The following CEP128 variants were observed in gnomAD, a reference collection of about 807,000 sequenced individuals.
CEP128 encodes the protein centrosomal protein 128.
A neutral mutation model predicts 156.7 loss-of-function variants in CEP128; 132 were observed. The observed-to-expected ratio is 0.84, with a 90% confidence interval of 0.73 to 0.97. CEP128 has a LOEUF of 0.97. CEP128 is among the 50% of genes least tolerant of loss of function. The probability of loss-of-function intolerance (pLI) is 0.00; values close to 1 mark genes in which losing one functional copy is unlikely to be tolerated. For synonymous variants in CEP128, 469 were observed against 448.9 expected (o/e 1.04, Z -0.57); for missense variants, 1,252 against 1,281.9 (o/e 0.98, Z 0.36).
Position 80,836,292 on chromosome 14 carries a change from T to C in CEP128, c.970A>G (p.Lys324Glu), listed in dbSNP as rs1173384664. Residue 324 changes from lysine (K) to glutamate (E), a missense_variant, in exon 12 of 25, where the codon AAG becomes GAG. Physicochemically the swap from Lys to Glu is moderately conservative, Grantham distance 56. Coordinates refer to ENST00000555265, the MANE Select transcript of CEP128 (RefSeq NM_152446.5). ...TQLTKAEGDR[K>E]GLQHQVSQIS... ...TGAGATACTTGATGCTGTAAACCCT[T>C]TCGATCACCTTCTGCTTTCGTAAGT... The C allele has an allele frequency of 9.3e-6, 15 of 1,613,974 alleles. No homozygotes were observed.
At chr14:80,488,031 C>A (rs1395581479), downstream of CEP128, among the ~76,000 whole-genome samples, 1 of 149,158 alleles carries the variant, frequency 6.7e-6, no homozygotes, top group African/African-American at 2.5e-5. Flanking sequence ...AAAATCAGAG[C>A]AGAACTGAAG....
intron 19 of CEP128, among the ~76,000 whole-genome samples, chr14:80,605,775 C>T (rs961941125): frequency 8.6e-5 from 13 of 151,950 alleles, no homozygotes; most frequent in African/African-American, 2.9e-4. Flanking sequence ...AAAGGGCAGT[C>T]AAGCATACTA....
intron 19 of CEP128, among the ~76,000 whole-genome samples, chr14:80,618,863 T>C (rs1349426557): frequency 1.3e-5 from 2 of 152,228 alleles, no homozygotes; most frequent in Non-Finnish European, 2.9e-5. Flanking sequence ...TGCGTATTTG[T>C]ATCTCTAGTA....
chr14:80,593,546 CA>C (rs780221928), intron 19 of CEP128, among the ~76,000 whole-genome samples: 365 of 77,842 alleles, frequency 4.7e-3, no homozygotes, highest in South Asian at 0.016. Flanking sequence ...GACTCCATCT[CA>C]AAAAAAAAAA....
intron 19 of CEP128, among the ~76,000 whole-genome samples, chr14:80,674,074 T>TG (rs535349918): frequency 1.2e-3 from 178 of 145,034 alleles, no homozygotes; most frequent in African/African-American, 4.7e-3. Context: ...AATTCATAGT[T>TG]TTTTTTTTTC....
chr14:80,866,239 C>T (rs1295233667), intron 8 of CEP128, among the ~76,000 whole-genome samples: 1 of 152,112 alleles, frequency 6.6e-6, no homozygotes, highest in Admixed American at 6.6e-5. Flanking sequence ...CCCCAACAGA[C>T]TTAGGCTCTA....
chr14:80,889,200 C>G (rs568096208), intron 8 of CEP128, among the ~76,000 whole-genome samples: 2 of 152,326 alleles, frequency 1.3e-5, no homozygotes, highest in Admixed American at 1.3e-4. Flanking sequence ...AATGGCAATA[C>G]TGCCCAAAGT....
At chr14:80,804,674 G>A (rs1884071592) in intron 13 of CEP128, among the ~76,000 whole-genome samples, 1 of 151,930 alleles carries the variant, frequency 6.6e-6, no homozygotes, top group Admixed American at 6.6e-5. Flanking sequence ...TATATAAATT[G>A]TATTCCTATT....
chr14:80,622,987 C>T (rs1893551673), intron 19 of CEP128, among the ~76,000 whole-genome samples: 1 of 152,120 alleles, frequency 6.6e-6, no homozygotes, highest in Non-Finnish European at 1.5e-5. Context: ...ATAAATCATG[C>T]TGCTATAAAG....
downstream of CEP128, among the ~76,000 whole-genome samples, chr14:80,491,658 C>T (rs1887329208): frequency 1.3e-5 from 2 of 152,130 alleles, no homozygotes; most frequent in African/African-American, 4.8e-5. Flanking sequence ...GCACAGGGCA[C>T]CCCGGCTGAA....
chr14:80,788,939 A>T (rs1476275889), intron 14 of CEP128, among the ~76,000 whole-genome samples: 1 of 152,182 alleles, frequency 6.6e-6, no homozygotes, highest in Non-Finnish European at 1.5e-5. Context: ...CTTTGGCTCC[A>T]GCTCTCTGCA....
At chr14:80,730,118 T>C (rs1898207575) in intron 19 of CEP128, among the ~76,000 whole-genome samples, 2 of 152,202 alleles carry the variant, frequency 1.3e-5, no homozygotes, top group Admixed American at 1.3e-4. Flanking sequence ...AATATGAGCT[T>C]ACAATTGCAC....
chr14:80,518,136 C>G (rs1888577883), intron 23 of CEP128, among the ~76,000 whole-genome samples: 1 of 148,980 alleles, frequency 6.7e-6, no homozygotes, highest in African/African-American at 2.5e-5. Context: ...ATCTAGAATG[C>G]CTGGGTTTAT....
chr14:80,616,878 A>G (rs1442135937), intron 19 of CEP128, among the ~76,000 whole-genome samples: 1 of 152,224 alleles, frequency 6.6e-6, no homozygotes, highest in Non-Finnish European at 1.5e-5. Context: ...AGAAAGCTGA[A>G]ATGCAGGGAA....
chr14:80,903,654 G>GA (rs945751008), intron 6 of CEP128, among the ~76,000 whole-genome samples: 47 of 147,150 alleles, frequency 3.2e-4, no homozygotes, highest in Admixed American at 1.7e-3. Flanking sequence ...ACTCAATAGC[G>GA]AAAAAAAAAA....
chr14:80,585,187 A>G (rs1381891620), intron 19 of CEP128, among the ~76,000 whole-genome samples: 3 of 152,242 alleles, frequency 2.0e-5, no homozygotes, highest in Non-Finnish European at 4.4e-5. Flanking sequence ...TGAGAATTGG[A>G]TGATCCAGCT....
chr14:80,850,400 T>C (rs570554979), intron 9 of CEP128, among the ~76,000 whole-genome samples: 74 of 152,320 alleles, frequency 4.9e-4, no homozygotes, highest in Non-Finnish European at 1.0e-3. Flanking sequence ...CAATTAATGG[T>C]TCAATACTGA....
intron 2 of CEP128, among the ~76,000 whole-genome samples, chr14:80,924,742 T>A (rs973518707): frequency 6.6e-6 from 1 of 152,040 alleles, no homozygotes; most frequent in Non-Finnish European, 1.5e-5. Context: ...GGGTTTTTTT[T>A]AATGATTCTA....
intron 15 of CEP128, among the ~76,000 whole-genome samples, chr14:80,781,047 T>TA (rs1901079089): frequency 6.6e-6 from 1 of 152,188 alleles, no homozygotes; most frequent in African/African-American, 2.4e-5. Context: ...AATTGGGCCT[T>TA]AAAGGATTTG....
Sources: allele counts gnomAD v4.1 joint callset (sites outside exome capture counted in the v4.1 genomes callset), GRCh38; gene constraint gnomAD v4.1.1; transcripts MANE v1.5; gene names NCBI Gene and HGNC (gene_info 2026-07-23, HGNC 2026-07-21).